The following ORC5 variants were observed in gnomAD, a reference collection of about 807,000 sequenced individuals.
The protein encoded by ORC5 is origin recognition complex subunit 5, also known as protein phosphatase 1, regulatory subunit 117.
In ORC5, 39 loss-of-function variants were observed where a neutral mutation model predicts 58.8. The ratio of observed to expected loss-of-function variants is 0.66; its 90% confidence interval spans 0.51 to 0.87. ORC5 has a LOEUF of 0.87. Among genes scored for constraint, ORC5 ranks in the 40% least tolerant of loss-of-function variants. ORC5 has a pLI of 0.00. For synonymous variants in ORC5, 218 were observed against 177.6 expected (o/e 1.23, Z -1.81); for missense variants, 493 against 506.3 (o/e 0.97, Z 0.25).
intron 2 of ORC5, among the ~76,000 whole-genome samples, 163 bp from the exon 3 acceptor site, chr7:104,201,121 C>T (rs1205369744): frequency 1.2e-4 from 18 of 152,202 alleles, no homozygotes; most frequent in Non-Finnish European, 2.5e-4. Context: ...CCTGGACTCT[C>T]TTATTTTCTG....
At chr7:104,188,138 T>C (rs1028342270) in intron 6 of ORC5, 113 bp downstream of exon 6, 1 of 962,058 alleles carries the variant, frequency 1.0e-6, no homozygotes, top group Admixed American at 3.0e-5. Context: ...GTTTCTAACC[T>C]ATCTCATACC....
intron 11 of ORC5, among the ~76,000 whole-genome samples, chr7:104,163,790 C>T (rs891288144): frequency 2.0e-5 from 3 of 152,304 alleles, no homozygotes; most frequent in African/African-American, 2.4e-5. Context: ...CCCGCCCAGC[C>T]GGGATTTGCT....
chr7:104,143,155 C>CT (rs67881335), intron 12 of ORC5, among the ~76,000 whole-genome samples: 40 of 151,246 alleles, frequency 2.6e-4, no homozygotes, highest in African/African-American at 8.3e-4. Context: ...CCCCTTAGTA[C>CT]TTTTTTTTTA....
chr7:104,127,679 C>T (rs1452851014), intron 13 of ORC5, among the ~76,000 whole-genome samples: 1 of 152,218 alleles, frequency 6.6e-6, no homozygotes, highest in African/African-American at 2.4e-5. Flanking sequence ...TAAAGATTCA[C>T]TAATTGCATG....
At chr7:104,207,075 G>T (rs1800106361) in intron 1 of ORC5, among the ~76,000 whole-genome samples, 1 of 152,198 alleles carries the variant, frequency 6.6e-6, no homozygotes, top group African/African-American at 2.4e-5. Context: ...GGGGGTATGA[G>T]TATGACCCTG....
intron 4 of ORC5, 106 bp downstream of exon 4, chr7:104,197,619 A>G (rs1799831100): frequency 3.1e-6 from 2 of 644,870 alleles, no homozygotes; most frequent in Non-Finnish European, 5.2e-6. Flanking sequence ...AACTAAAATT[A>G]TATTAAAATA....
At chr7:104,127,163 A>G (rs1297399327) in intron 13 of ORC5, among the ~76,000 whole-genome samples, 4 of 152,164 alleles carry the variant, frequency 2.6e-5, no homozygotes, top group East Asian at 1.9e-4. Context: ...ATGTACTTCA[A>G]TTGTACTACA....
At chr7:104,142,370 C>A (rs1275317834) in intron 12 of ORC5, among the ~76,000 whole-genome samples, 1 of 151,816 alleles carries the variant, frequency 6.6e-6, no homozygotes, top group Non-Finnish European at 1.5e-5. Flanking sequence ...GCACAGGAAA[C>A]AAAAGCAAAA....
At chr7:104,205,730 G>C (rs764202331) in intron 1 of ORC5, among the ~76,000 whole-genome samples, 1 of 152,212 alleles carries the variant, frequency 6.6e-6, no homozygotes, top group African/African-American at 2.4e-5. Flanking sequence ...CAAAAATTCT[G>C]TCTCAGCAGG....
intron 12 of ORC5, among the ~76,000 whole-genome samples, chr7:104,140,359 T>C: frequency 6.6e-6 from 1 of 152,200 alleles, no homozygotes; most frequent in East Asian, 1.9e-4. Context: ...TCTTACCTTT[T>C]GTTGTAATTA....
chr7:104,206,550 A>G (rs141428882), intron 1 of ORC5, among the ~76,000 whole-genome samples: 1 of 152,330 alleles, frequency 6.6e-6, no homozygotes, highest in African/African-American at 2.4e-5. Flanking sequence ...ACTATAATTG[A>G]AAGCAGTATA....
intron 13 of ORC5, among the ~76,000 whole-genome samples, chr7:104,127,914 G>GT (rs1798454435): frequency 6.6e-6 from 1 of 152,112 alleles, no homozygotes; most frequent in African/African-American, 2.4e-5. Context: ...TTGCTTCATT[G>GT]TAACAGTGCC....
intron 5 of ORC5, among the ~76,000 whole-genome samples, chr7:104,190,515 C>T (rs573782539): frequency 6.6e-6 from 1 of 152,210 alleles, no homozygotes; most frequent in East Asian, 1.9e-4. Context: ...TAAAATACCA[C>T]ATTAAGAGTC....
intron 12 of ORC5, among the ~76,000 whole-genome samples, chr7:104,156,458 T>C (rs1798926660): frequency 6.6e-6 from 1 of 151,692 alleles, no homozygotes; most frequent in Non-Finnish European, 1.5e-5. Context: ...TTATTCTCAA[T>C]TGGAATTTTA....
rs78574998 is a variant in ORC5 at position 104,134,599 on chromosome 7, G to A, written c.1262+2182C>T. On this transcript the variant is annotated intron_variant, in intron 13 of 13. Coordinates refer to ENST00000297431, the MANE Select transcript of ORC5 (RefSeq NM_002553.4). ...GTCCACATTTTTATAAGAAGTTGGG[G>A]GCAGTAACAGTCTGGAAGTGGCAAC... is the stretch of plus-strand genomic sequence containing the variant. Among the ~76,000 whole-genome samples, 510 of 151,998 alleles carry A rather than the reference G, an allele frequency of 3.4e-3. 3 individuals are homozygous for A. The highest frequency in any genetic ancestry group is 0.012 in the African/African-American group (494 of 41,458).
At chr7:104,143,397 T>A (rs1399332316) in intron 12 of ORC5, among the ~76,000 whole-genome samples, 1 of 152,234 alleles carries the variant, frequency 6.6e-6, no homozygotes, top group Admixed American at 6.5e-5. Flanking sequence ...TACAGTTTTT[T>A]ACTTTTAGCA....
At chr7:104,159,333 G>T (rs1199398354) in intron 12 of ORC5, among the ~76,000 whole-genome samples, 2 of 93,030 alleles carry the variant, frequency 2.1e-5, no homozygotes, top group African/African-American at 4.1e-5. Flanking sequence ...GTTGTGGGGT[G>T]GGGGGAGGGG....
chr7:104,145,075 G>A (rs1798734875), intron 12 of ORC5, among the ~76,000 whole-genome samples: 1 of 152,188 alleles, frequency 6.6e-6, no homozygotes, highest in Non-Finnish European at 1.5e-5. Flanking sequence ...AAGGGATACA[G>A]GGGTCTTTGG....
chr7:104,147,698 CG>C (rs1452569526), intron 12 of ORC5, among the ~76,000 whole-genome samples: 1 of 152,114 alleles, frequency 6.6e-6, no homozygotes. Context: ...ACACATATGT[CG>C]TGCTAAAGGT....
Sources: gnomAD v4.1 joint callset for allele counts (sites outside exome capture counted in the v4.1 genomes callset) on GRCh38, gnomAD v4.1.1 for gene constraint, MANE v1.5 for transcripts, NCBI Gene and HGNC (gene_info 2026-07-23, HGNC 2026-07-21) for gene names.